SF3B1: variants seen among roughly 807,000 people sequenced by gnomAD.
The protein encoded by SF3B1 is splicing factor 3b subunit 1.
A neutral mutation model predicts 153.8 loss-of-function variants in SF3B1; 12 were observed. The observed-to-expected ratio is 0.08, with a 90% CI of 0.05 to 0.13. The LOEUF is 0.13. Ranked by LOEUF, SF3B1 falls within the 10% of genes least tolerant of loss-of-function variation. The pLI, the probability that SF3B1 is intolerant of heterozygous loss-of-function variation, is 1.00. For missense variants in SF3B1, 513 were observed against 1,606.1 expected (o/e 0.32, Z 11.63); for synonymous variants, 498 against 525.2 (o/e 0.95, Z 0.71).
upstream of SF3B1, chr2:197,435,079 T>C: frequency 1.2e-6 from 2 of 1,609,204 alleles, no homozygotes; most frequent in Admixed American, 3.3e-5. Context: ...GAAAAATAGC[T>C]GGGGGCTGCA....
At chr2:197,407,163 T>TAA (rs2085004164) in intron 9 of SF3B1, among the ~76,000 whole-genome samples, 1 of 152,168 alleles carries the variant, frequency 6.6e-6, no homozygotes, top group Non-Finnish European at 1.5e-5. Flanking sequence ...AAAAGCTCTG[T>TAA]AAAGGCCATC....
At chr2:197,397,498 A>G (rs1484719668) in intron 22 of SF3B1, among the ~76,000 whole-genome samples, 1 of 152,216 alleles carries the variant, frequency 6.6e-6, no homozygotes, top group African/African-American at 2.4e-5. Context: ...ATTTTAATTA[A>G]GAATTTAAGA....
intron 11 of SF3B1, 197 bp downstream of exon 11, chr2:197,404,879 T>A (rs2084973466): frequency 2.2e-6 from 1 of 452,466 alleles, no homozygotes. Context: ...TTAAAAACAT[T>A]TTTAAAAATA....
At chr2:197,427,984 C>T (rs191545356) in intron 1 of SF3B1, among the ~76,000 whole-genome samples, 63 of 152,068 alleles carry the variant, frequency 4.1e-4, no homozygotes, top group Middle Eastern at 3.4e-3. Context: ...CACCACTGCA[C>T]TCCAACCTAG....
intron 6 of SF3B1, among the ~76,000 whole-genome samples, chr2:197,414,173 T>C (rs2085113147): frequency 6.6e-6 from 1 of 152,198 alleles, no homozygotes; most frequent in South Asian, 2.1e-4. Context: ...AGAAGACATG[T>C]ATGCGAAGAA....
chr2:197,405,241 C>T, intron 10 of SF3B1, 34 bp downstream of exon 10: 4 of 1,591,976 alleles, frequency 2.5e-6, no homozygotes, highest in South Asian at 1.1e-5. Flanking sequence ...TTCTGGAACA[C>T]AATTAATAGT....
chr2:197,417,130 T>C (rs1391100005), intron 5 of SF3B1, among the ~76,000 whole-genome samples: 1 of 152,178 alleles, frequency 6.6e-6, no homozygotes, highest in African/African-American at 2.4e-5. Flanking sequence ...AGTTCAGAAT[T>C]CGTAACATAG....
Position 197,401,083 on chromosome 2 carries a change from A to T in SF3B1, c.2497-147T>A. The T allele has an allele frequency of 1.6e-6, 1 of 635,744 alleles. No homozygotes were observed. The highest frequency in any genetic ancestry group is 2.7e-6 in the Non-Finnish European group (1 of 371,196). 39.4% of individuals were successfully genotyped at this position (635,744 alleles called of 1,614,324 possible). On this transcript the variant is annotated intron_variant, in intron 17 of 24. Coordinates refer to ENST00000335508, the MANE Select transcript of SF3B1 (RefSeq NM_012433.4). This position sits in a 1 kb window ranked among gnomAD's most constrained non-coding sequence, Gnocchi z 4.2. ...ATTCATTGCTACTTATTAAAGTTGA[A>T]GAGAAAAGTGACCAAACATCGAAAA...
Position 197,408,354 on chromosome 2 carries a change from A to G in SF3B1, c.1117+15T>C, listed in dbSNP as rs1181173657. On this transcript the variant is annotated intron_variant, in intron 8 of 24. Coordinates refer to ENST00000335508, the MANE Select transcript of SF3B1 (RefSeq NM_012433.4). The stretch of plus-strand genomic sequence containing the variant: ...ATGGAGAAAAAAACAATTATGTCCA[A>G]TGAGACAGTTCTACCTGGAGTAGGG... 6.2e-7 allele frequency: 1 copy of G among 1,610,558 alleles called. No homozygotes were observed. The highest frequency in any genetic ancestry group is 1.3e-5 in the African/African-American group (1 of 74,842).
intron 4 of SF3B1, 151 bp from the exon 5 acceptor site, chr2:197,418,739 C>T: frequency 2.1e-6 from 3 of 1,451,954 alleles, no homozygotes; most frequent in Non-Finnish European, 2.7e-6. Flanking sequence ...ATACATCTTA[C>T]TTTTTATTGA....
chr2:197,394,048 T>G (rs1441051781), intron 23 of SF3B1, among the ~76,000 whole-genome samples: 1 of 151,858 alleles, frequency 6.6e-6, no homozygotes, highest in African/African-American at 2.4e-5. Context: ...GTAGGGCATT[T>G]TGGCACACGC....
chr2:197,404,540 GCACTCCAGC>G (rs1358630293), intron 11 of SF3B1, among the ~76,000 whole-genome samples: 3 of 152,028 alleles, frequency 2.0e-5, no homozygotes, highest in African/African-American at 7.2e-5. Flanking sequence ...CTACACCACT[GCACTCCAGC>G]CTGGGCAAGA....
chr2:197,409,236 C>T (rs1352769809), intron 7 of SF3B1, among the ~76,000 whole-genome samples: 6 of 151,992 alleles, frequency 3.9e-5, no homozygotes, highest in African/African-American at 1.4e-4. Context: ...CCCGTCTCTA[C>T]TAAAAATACA....
Position 197,412,655 on chromosome 2 carries a change from C to T in SF3B1, c.667-2648G>A, listed in dbSNP as rs1396037423. On this transcript the variant is annotated intron_variant, in intron 6 of 24. Coordinates refer to ENST00000335508, the MANE Select transcript of SF3B1 (RefSeq NM_012433.4). ...ACAGGCGTGAGCCACCGCGTCTGGC[C>T]GAGTCTCTGTAGTTTTTATAAGAAA... is the stretch of plus-strand genomic sequence containing the variant. Among the ~76,000 whole-genome samples the T allele has an allele frequency of 7.9e-5, 12 of 151,564 alleles. 1 individual carries two copies. Among genetic ancestry groups the T allele is most frequent in the Admixed American group, 7.9e-4 (12 of 15,230 alleles).
At chr2:197,431,501 C>T (rs1239075708) in intron 1 of SF3B1, among the ~76,000 whole-genome samples, 4 of 152,108 alleles carry the variant, frequency 2.6e-5, no homozygotes, top group Non-Finnish European at 5.9e-5. Context: ...TTTCATTTTT[C>T]GTCTGAATTA....
chr2:197,398,737 G>A (rs1010863272), intron 20 of SF3B1, 156 bp from the exon 21 acceptor site: 12 of 685,002 alleles, frequency 1.8e-5, no homozygotes, highest in Middle Eastern at 3.5e-4. Flanking sequence ...ACTCAGAATC[G>A]TTTTTAACTT....
intron 6 of SF3B1, among the ~76,000 whole-genome samples, chr2:197,410,491 C>CA (rs1249898389): frequency 1.4e-5 from 2 of 147,416 alleles, no homozygotes; most frequent in African/African-American, 5.0e-5. Flanking sequence ...TGCTTTAGAT[C>CA]ACCTATGTAA....
intron 2 of SF3B1, 121 bp downstream of exon 2, chr2:197,423,687 A>C: frequency 1.1e-6 from 1 of 872,328 alleles, no homozygotes; most frequent in South Asian, 1.7e-5. Flanking sequence ...CAGTAGTTTT[A>C]TCCTCTAAAA....
chr2:197,403,368 T>C (rs1451357345), intron 12 of SF3B1, among the ~76,000 whole-genome samples: 2 of 152,220 alleles, frequency 1.3e-5, no homozygotes. Context: ...CCTAATCTAA[T>C]TTTAATAAAA....
Sources: allele counts gnomAD v4.1 joint callset (sites outside exome capture counted in the v4.1 genomes callset), GRCh38; gene constraint gnomAD v4.1.1; non-coding constraint Gnocchi (gnomAD v3.1); transcripts MANE v1.5; gene names NCBI Gene and HGNC (gene_info 2026-07-23, HGNC 2026-07-21).